The following FAM98B variants were observed in gnomAD, a reference collection of about 807,000 sequenced individuals.
FAM98B encodes tRNA splicing ligase complex subunit 3B.
Under a neutral mutation model 43.9 loss-of-function variants are expected in FAM98B, and 32 were observed. The observed-to-expected ratio is 0.73, with a 90% CI of 0.55 to 0.98. FAM98B has a LOEUF of 0.98. FAM98B is among the 50% of genes least tolerant of loss of function. The pLI is 0.00. For missense variants in FAM98B, 514 were observed against 522.9 expected, an observed-to-expected ratio of 0.98 and a Z score of 0.17; for synonymous variants, 190 against 174.0, an observed-to-expected ratio of 1.09 and a Z score of -0.72.
At position 38,464,084 on chromosome 15, in the gene FAM98B, G is replaced by A; in HGVS notation, c.124G>A (p.Gly42Arg). Residue 42 changes from glycine to arginine, a missense_variant, in exon 2 of 8, where the codon GGA (glycine) becomes AGA (arginine). Gly to Arg is a moderately radical substitution (Grantham distance 125, BLOSUM62 -2). Transcript: ENST00000397609. ...AGCCCTTACAAAGGCGGCAGAGGGT[G>A]GATTATCTTCACCTGAATTTTCAGA... ...EQALTKAAEGGLSSPEFSELC... is the reference protein window; with the variant it reads ...EQALTKAAEGRLSSPEFSELC... The A allele has an allele frequency of 1.9e-6, 3 of 1,613,164 alleles. No individual in the cohort carries two copies. Among genetic ancestry groups the A allele is most frequent in the Non-Finnish European group, 2.5e-6 (3 of 1,179,586 alleles).
intron 4 of FAM98B, among the ~76,000 whole-genome samples, chr15:38,472,297 T>G (rs117079742): frequency 0.011 from 1,738 of 152,212 alleles, 20 homozygotes; most frequent in Non-Finnish European, 0.019. Flanking sequence ...TAAAATTGGA[T>G]ATATTTACAA....
chr15:38,459,240 A>G, intron 1 of FAM98B: 1 of 473,312 alleles, frequency 2.1e-6, no homozygotes, highest in East Asian at 5.6e-5. Flanking sequence ...CAGTGACCAC[A>G]CAGATCCTCC....
chr15:38,455,946 C>T (rs937764086), intron 1 of FAM98B, among the ~76,000 whole-genome samples: 13 of 152,152 alleles, frequency 8.5e-5, no homozygotes, highest in African/African-American at 3.1e-4. Flanking sequence ...TTTGAATTCT[C>T]CTATGATAAT....
At position 38,486,879 on chromosome 15, in the gene FAM98B, T is replaced by C. The variant is rs2141065338; in HGVS notation, c.*2220T>C. ...AAGGCCATAGTGTGAAAATGTTTTATAAATTGAGTGCAATACGACATGGAG... is the reference window on the plus strand; with the variant it reads ...AAGGCCATAGTGTGAAAATGTTTTACAAATTGAGTGCAATACGACATGGAG... On this transcript the variant is annotated 3_prime_UTR_variant, in exon 8 of 8. Transcript: ENST00000397609. 1.3e-5 allele frequency: 2 copies of C among 152,286 alleles called. No homozygotes were observed. Among genetic ancestry groups the C allele is most frequent in the African/African-American group, 4.8e-5 (2 of 41,578 alleles). 9.4% of individuals were successfully genotyped at this position (152,286 alleles called of 1,614,324 possible). A position where few individuals can be genotyped will look rare whatever the true frequency, so the allele number is the denominator to read the frequency against.
chr15:38,465,328 T>A lies in FAM98B; in HGVS notation c.277T>A (p.Cys93Ser). The A allele has an allele frequency of 2.5e-6, 4 of 1,611,828 alleles. No homozygotes were observed. The highest frequency in any genetic ancestry group is 3.4e-6 in the Non-Finnish European group (4 of 1,179,232). The change falls in exon 3 of 8, where the codon TGT (cysteine) becomes AGT (serine). Residue 93 changes from cysteine to serine, a missense_variant. Cys to Ser is a moderately radical substitution (Grantham distance 112). Around this residue, in one of 2 missense-constraint regions of FAM98B, gnomAD observed 469 missense variants for 451.8 expected, o/e 1.04. Coordinates refer to ENST00000397609, the MANE Select transcript of FAM98B (RefSeq NM_173611.4). The part of the protein sequence containing the change: ...EISGFLKEMA[C>S]PYSVLISGDI... ...AAGTGGCTTTTTAAAAGAAATGGCA[T>A]GTCCATATTCTGTACTCATATCAGG... is the stretch of plus-strand genomic sequence containing the variant.
At chr15:38,458,632 C>G (rs1889890944) in intron 1 of FAM98B, 1 of 185,274 alleles carries the variant, frequency 5.4e-6, no homozygotes. Context: ...TCACTTCTCA[C>G]TATTTCCAGG....
At position 38,485,411 on chromosome 15, in the gene FAM98B, T is replaced by C. The variant is rs776383035; in HGVS notation, c.*752T>C. 6.6e-6 allele frequency: 1 copy of C among 152,202 alleles called. No individual in the cohort carries two copies. Among genetic ancestry groups the C allele is most frequent in the Non-Finnish European group, 1.5e-5 (1 of 68,042 alleles). 9.4% of individuals were successfully genotyped at this position (152,202 alleles called of 1,614,324 possible). A position where few individuals can be genotyped will look rare whatever the true frequency, so the allele number is the denominator to read the frequency against. On this transcript the variant is annotated 3_prime_UTR_variant, in exon 8 of 8. Transcript: ENST00000397609. Reference sequence around the variant, plus strand: ...TGTGAGAAATAGTCCTATAAACTGGTCTCTTCATCATTTATGCTCTCACTT... The same window carrying C: ...TGTGAGAAATAGTCCTATAAACTGGCCTCTTCATCATTTATGCTCTCACTT...
At chr15:38,454,522 C>T (rs1889817742) in intron 1 of FAM98B, among the ~76,000 whole-genome samples, 1 of 152,238 alleles carries the variant, frequency 6.6e-6, no homozygotes, top group Non-Finnish European at 1.5e-5. Flanking sequence ...CCTTCTAGCA[C>T]CGGTTTTCTG....
chr15:38,455,437 C>A (rs1052077153), intron 1 of FAM98B, among the ~76,000 whole-genome samples: 31 of 152,212 alleles, frequency 2.0e-4, no homozygotes, highest in African/African-American at 7.5e-4. Flanking sequence ...ATTTGCCCCT[C>A]TATCAATTGT....
chr15:38,473,480 C>A, intron 4 of FAM98B, 25 bp from the exon 5 acceptor site: 1 of 1,535,540 alleles, frequency 6.5e-7, no homozygotes, highest in Non-Finnish European at 8.9e-7. Context: ...ATACATTTTT[C>A]ACAATCTTTT....
chr15:38,473,834 G>A (rs1416754073), intron 5 of FAM98B, among the ~76,000 whole-genome samples: 1 of 152,172 alleles, frequency 6.6e-6, no homozygotes, highest in Non-Finnish European at 1.5e-5. Context: ...AAAGAACAGA[G>A]GCTCAAAGCC....
chr15:38,464,334 T>C (rs1171873693), intron 2 of FAM98B, among the ~76,000 whole-genome samples, 157 bp downstream of exon 2: 2 of 152,202 alleles, frequency 1.3e-5, no homozygotes, highest in Non-Finnish European at 2.9e-5. Flanking sequence ...TTAAATTTTA[T>C]ATTAATCCAG....
At chr15:38,464,226 A>G in intron 2 of FAM98B, 49 bp downstream of exon 2, 1 of 1,520,554 alleles carries the variant, frequency 6.6e-7, no homozygotes, top group Non-Finnish European at 8.9e-7. Flanking sequence ...GTAAACTGAT[A>G]ACTTACGGTT....
intron 6 of FAM98B, among the ~76,000 whole-genome samples, chr15:38,479,775 T>TG (rs1890257030): frequency 6.6e-6 from 1 of 152,212 alleles, no homozygotes; most frequent in African/African-American, 2.4e-5. Context: ...TCAAAGGTTT[T>TG]GTCTCTTAAT....
intron 1 of FAM98B, 82 bp downstream of exon 1, chr15:38,454,314 C>A: frequency 6.9e-7 from 1 of 1,451,622 alleles, no homozygotes; most frequent in South Asian, 1.2e-5. Context: ...CCTTGGGCCT[C>A]TGTGGGCCTG....
chr15:38,484,717 T>C lies in FAM98B; in HGVS notation c.*58T>C. ...CTTTATAGATACATTAGAAATAGTG[T>C]TCCAAATAACATACTTGAATATCAT... On this transcript the variant is annotated 3_prime_UTR_variant, in exon 8 of 8. Transcript: ENST00000397609. The C allele has an allele frequency of 6.7e-7, 1 of 1,483,912 alleles. No homozygotes were observed. Among genetic ancestry groups the C allele is most frequent in the Non-Finnish European group, 8.9e-7 (1 of 1,127,180 alleles). The allele number at this position is 1,483,912 out of a possible 1,614,324, so 91.9% of individuals were successfully genotyped here.
At position 38,486,913 on chromosome 15, in the gene FAM98B, A is replaced by G. The variant is rs960373198; in HGVS notation, c.*2254A>G. 2.0e-5 allele frequency: 3 copies of G among 152,110 alleles called. No individual in the cohort carries two copies. The highest frequency in any genetic ancestry group is 7.2e-5 in the African/African-American group (3 of 41,442). 9.4% of individuals were successfully genotyped at this position (152,110 alleles called of 1,614,324 possible). A position where few individuals can be genotyped will look rare whatever the true frequency, so the allele number is the denominator to read the frequency against. ...TGCAATACGACATGGAGTATGATGA[A>G]TGGCACTCCACTGCTTCCTAAAATC... On this transcript the variant is annotated 3_prime_UTR_variant, in exon 8 of 8. Transcript: ENST00000397609.
At chr15:38,479,734 A>G (rs1372245322) in intron 6 of FAM98B, among the ~76,000 whole-genome samples, 4 of 152,112 alleles carry the variant, frequency 2.6e-5, no homozygotes, top group Non-Finnish European at 5.9e-5. Context: ...GTAAAATTTT[A>G]TGGTGGATTC....
intron 6 of FAM98B, among the ~76,000 whole-genome samples, chr15:38,474,557 AG>A (rs1178673368): frequency 6.6e-6 from 1 of 152,248 alleles, no homozygotes; most frequent in Non-Finnish European, 1.5e-5. Context: ...GCATAAAAGA[AG>A]GGGCATCATA....
Sources: gnomAD v4.1 joint callset for allele counts (sites outside exome capture counted in the v4.1 genomes callset) on GRCh38, gnomAD v4.1.1 for gene constraint, gnomAD v4.1.1 regional missense constraint, MANE v1.5 for transcripts, NCBI Gene and HGNC (gene_info 2026-07-23, HGNC 2026-07-21) for gene names.